Variants in UVRAG observed in about 807,000 individuals in gnomAD.
The protein encoded by UVRAG is UV radiation resistance associated.
Under a neutral mutation model 78.0 loss-of-function variants are expected in UVRAG, and 19 were observed. The ratio of observed to expected loss-of-function variants is 0.24; its 90% CI spans 0.17 to 0.36. The LOEUF (loss-of-function observed/expected upper bound fraction) is 0.36. Among genes scored for constraint, UVRAG ranks in the 10% least tolerant of loss-of-function variants. The pLI is 1.00. For synonymous variants in UVRAG, 323 were observed against 324.6 expected, an observed-to-expected ratio of 1.00 and a Z score of 0.05; for missense variants, 740 against 853.8, an observed-to-expected ratio of 0.87 and a Z score of 1.66.
chr11:76,116,455 T>C (rs1952182042), intron 14 of UVRAG, among the ~76,000 whole-genome samples: 1 of 152,186 alleles, frequency 6.6e-6, no homozygotes, highest in Non-Finnish European at 1.5e-5. Flanking sequence ...GGTCAGGACT[T>C]AGTTTGAGAC....
At chr11:75,816,216 C>G (rs1415226108) in intron 1 of UVRAG, among the ~76,000 whole-genome samples, 1 of 152,152 alleles carries the variant, frequency 6.6e-6, no homozygotes. Context: ...TTCCTCCATC[C>G]TTTAGGAAGG....
intron 13 of UVRAG, among the ~76,000 whole-genome samples, chr11:76,098,044 T>TTTTG (rs901553723): frequency 3.7e-4 from 57 of 152,204 alleles, no homozygotes; most frequent in African/African-American, 1.3e-3. Context: ...CTCGGATGGT[T>TTTTG]TTTGTTTGTT....
intron 12 of UVRAG, among the ~76,000 whole-genome samples, chr11:76,030,646 A>G (rs1253181889): frequency 6.6e-6 from 1 of 152,154 alleles, no homozygotes; most frequent in Non-Finnish European, 1.5e-5. Flanking sequence ...AACACATCAC[A>G]GTATTTCCTA....
chr11:76,129,410 G>A (rs1952473196), intron 14 of UVRAG, among the ~76,000 whole-genome samples: 2 of 151,952 alleles, frequency 1.3e-5, no homozygotes, highest in African/African-American at 2.4e-5. Flanking sequence ...ACCTCATCAC[G>A]AAAAGCTGGA....
intron 13 of UVRAG, among the ~76,000 whole-genome samples, chr11:76,070,042 T>G (rs12099141): frequency 0.011 from 1,697 of 152,180 alleles, 33 homozygotes; most frequent in African/African-American, 0.039. Context: ...TCTAGAAAAG[T>G]TAAGTGACTT....
intron 13 of UVRAG, among the ~76,000 whole-genome samples, chr11:76,066,507 G>C (rs984738631): frequency 1.8e-4 from 28 of 151,878 alleles, no homozygotes; most frequent in African/African-American, 6.3e-4. Flanking sequence ...GAGTCTTGCT[G>C]TGTCACCCAG....
intron 6 of UVRAG, among the ~76,000 whole-genome samples, chr11:75,960,378 T>A (rs1948887868): frequency 6.6e-6 from 1 of 152,238 alleles, no homozygotes; most frequent in Non-Finnish European, 1.5e-5. Flanking sequence ...TTTGTAGATT[T>A]CTGATCATTT....
chr11:76,099,276 C>T (rs938321659), intron 13 of UVRAG, among the ~76,000 whole-genome samples: 2 of 152,144 alleles, frequency 1.3e-5, no homozygotes, highest in African/African-American at 2.4e-5. Context: ...CATTTACAGT[C>T]GTCTTGTAGG....
intron 12 of UVRAG, among the ~76,000 whole-genome samples, chr11:76,028,280 A>T (rs142322543): frequency 6.6e-6 from 1 of 151,990 alleles, no homozygotes; most frequent in East Asian, 1.9e-4. Context: ...CTCTTCCCCC[A>T]TCTCTCTCCC....
intron 6 of UVRAG, among the ~76,000 whole-genome samples, chr11:75,939,088 A>G (rs1357177545): frequency 6.7e-6 from 1 of 150,184 alleles, no homozygotes; most frequent in Non-Finnish European, 1.5e-5. Flanking sequence ...ATGTTTTCCT[A>G]GGGTTTTTTT....
At chr11:75,832,559 C>T (rs1219117920) in intron 1 of UVRAG, among the ~76,000 whole-genome samples, 6 of 152,214 alleles carry the variant, frequency 3.9e-5, no homozygotes, top group African/African-American at 1.4e-4. Flanking sequence ...AGCCTCCTAG[C>T]ACTTCAATGT....
chr11:75,914,411 AAC>A (rs1947806361), intron 6 of UVRAG: 1 of 152,206 alleles, frequency 6.6e-6, no homozygotes, highest in Non-Finnish European at 1.5e-5. Context: ...TTTGTGTGAA[AAC>A]ACACAGTCTA....
chr11:76,080,117 G>A (rs1297217727), intron 13 of UVRAG, among the ~76,000 whole-genome samples: 2 of 152,054 alleles, frequency 1.3e-5, no homozygotes, highest in East Asian at 3.9e-4. Context: ...TCATGAGGGT[G>A]GAGCCTTCAT....
chr11:75,907,697 AT>A (rs552143489), intron 5 of UVRAG, among the ~76,000 whole-genome samples: 1,574 of 142,274 alleles, frequency 0.011, 19 homozygotes, highest in African/African-American at 0.033. Context: ...TATTAAAACA[AT>A]TTTTTTTTTT....
In UVRAG at chr11:75,960,146, G is replaced by A. The variant is rs116631248; in HGVS notation, c.594-1298G>A. On this transcript the variant is annotated intron_variant, in intron 6 of 14. Transcript: ENST00000356136. ...AGACATGAAGTGACCACATGCTGGT[G>A]GAAAAATGGCTCCAGTAGACTTGAT... 5.0e-3 allele frequency among the ~76,000 whole-genome samples: 751 copies of A among 151,648 alleles called. 7 individuals are homozygous for A. Among genetic ancestry groups the A allele is most frequent in the African/African-American group, 0.017 (707 of 41,340 alleles).
intron 3 of UVRAG, among the ~76,000 whole-genome samples, chr11:75,864,155 A>G (rs1391038729): frequency 4.6e-5 from 7 of 151,330 alleles, no homozygotes; most frequent in Non-Finnish European, 7.4e-5. Flanking sequence ...TTGTGAGCTG[A>G]GGCGATCCTC....
At chr11:75,986,615 T>C (rs1358005786) in intron 8 of UVRAG, among the ~76,000 whole-genome samples, 1 of 152,232 alleles carries the variant, frequency 6.6e-6, no homozygotes, top group Non-Finnish European at 1.5e-5. Context: ...AATCGGATTA[T>C]TGAGATATAA....
At chr11:76,127,215 G>T (rs189569240) in intron 14 of UVRAG, among the ~76,000 whole-genome samples, 2 of 152,322 alleles carry the variant, frequency 1.3e-5, no homozygotes, top group African/African-American at 4.8e-5. Flanking sequence ...TTTCGGTAAT[G>T]TCTGAAAGAT....
intron 7 of UVRAG, among the ~76,000 whole-genome samples, chr11:75,977,368 G>A (rs1434612154): frequency 1.3e-5 from 2 of 152,214 alleles, no homozygotes; most frequent in East Asian, 3.8e-4. Flanking sequence ...GGAGAGTTCT[G>A]TAGATGTCTA....
Sources: gnomAD v4.1 joint callset for allele counts (sites outside exome capture counted in the v4.1 genomes callset) on GRCh38, gnomAD v4.1.1 for gene constraint, MANE v1.5 for transcripts, NCBI Gene and HGNC (gene_info 2026-07-23, HGNC 2026-07-21) for gene names.